DNER: variants seen among roughly 807,000 people sequenced by gnomAD.
DNER encodes the protein delta and Notch-like epidermal growth factor-related receptor.
In DNER, 33 loss-of-function variants were observed where a neutral mutation model predicts 78.2. The observed-to-expected ratio is 0.42, with a 90% CI of 0.32 to 0.56. DNER has a LOEUF of 0.56. Ranked by LOEUF, DNER falls within the 20% of genes least tolerant of loss-of-function variation. DNER has a pLI of 0.11. For synonymous variants in DNER, 417 were observed against 384.8 expected (o/e 1.08, Z -0.98); for missense variants, 918 against 975.3 (o/e 0.94, Z 0.78).
At chr2:229,568,575 A>G (rs1697155864) in intron 4 of DNER, among the ~76,000 whole-genome samples, 1 of 152,186 alleles carries the variant, frequency 6.6e-6, no homozygotes, top group African/African-American at 2.4e-5. Flanking sequence ...GTAGTCATGG[A>G]TATTAACTAT....
chr2:229,602,774 A>G (rs1697854677), intron 1 of DNER, among the ~76,000 whole-genome samples: 1 of 152,214 alleles, frequency 6.6e-6, no homozygotes, highest in South Asian at 2.1e-4. Context: ...AATGAAGATA[A>G]TTGTAAAGGG....
chr2:229,516,874 G>A (rs1422296946), intron 5 of DNER, among the ~76,000 whole-genome samples: 6 of 151,180 alleles, frequency 4.0e-5, no homozygotes, highest in East Asian at 1.9e-4. Flanking sequence ...TTGGGAGGCC[G>A]AGGTGGGCGG....
chr2:229,599,266 C>T (rs10176645), intron 1 of DNER, among the ~76,000 whole-genome samples: 55,321 of 151,976 alleles, frequency 0.36, 10,248 homozygotes, highest in East Asian at 0.5. Context: ...TGGACCATTA[C>T]GTTAGTAATT....
rs1186379845 is a variant in DNER at position 229,629,811 on chromosome 2, C to A, written c.277-37923G>T. Among the ~76,000 whole-genome samples, 7 of 152,278 alleles carry A rather than the reference C, an allele frequency of 4.6e-5. No homozygotes were observed. The East Asian group carries it at 1.3e-3, about 29-fold the overall frequency. On this transcript the variant is annotated intron_variant, in intron 1 of 12. Coordinates refer to ENST00000341772, the MANE Select transcript of DNER (RefSeq NM_139072.4). ...CCTCTGTGACCGCATCTGTAGGTGA[C>A]TTTATCTTTGATAGATGGATCTTTA...
chr2:229,581,999 C>T (rs547931642), intron 4 of DNER, among the ~76,000 whole-genome samples: 74 of 152,136 alleles, frequency 4.9e-4, no homozygotes, highest in Non-Finnish European at 9.1e-4. Context: ...AGTGCCTCAG[C>T]TTCTCTCTAA....
At chr2:229,467,005 C>T (rs1862105) in intron 7 of DNER, among the ~76,000 whole-genome samples, 35,142 of 151,996 alleles carry the variant, frequency 0.23, 4,860 homozygotes, top group East Asian at 0.35. Context: ...AAAAAAATCA[C>T]GAAAATGATT....
chr2:229,622,754 C>A (rs1031207736), intron 1 of DNER, among the ~76,000 whole-genome samples: 1 of 152,254 alleles, frequency 6.6e-6, no homozygotes, highest in South Asian at 2.1e-4. Context: ...GACAGAGACA[C>A]AGAAGCTGGA....
intron 5 of DNER, among the ~76,000 whole-genome samples, chr2:229,542,700 T>C (rs979709226): frequency 6.6e-6 from 1 of 150,478 alleles, no homozygotes; most frequent in Non-Finnish European, 1.5e-5. Context: ...CAGTCTTTCA[T>C]TGCTAGAAAG....
At chr2:229,453,977 G>A (rs1411347480) in intron 7 of DNER, among the ~76,000 whole-genome samples, 1 of 146,494 alleles carries the variant, frequency 6.8e-6, no homozygotes, top group African/African-American at 2.5e-5. Context: ...AGGTGTCACT[G>A]AAAACAATGG....
At chr2:229,558,747 G>A (rs770730109) in intron 4 of DNER, among the ~76,000 whole-genome samples, 8 of 152,114 alleles carry the variant, frequency 5.3e-5, no homozygotes, top group Non-Finnish European at 7.4e-5. Flanking sequence ...GATGTTTGCC[G>A]AGGTCAAGGT....
At chr2:229,638,884 G>T (rs114483274) in intron 1 of DNER, among the ~76,000 whole-genome samples, 2 of 152,126 alleles carry the variant, frequency 1.3e-5, no homozygotes, top group South Asian at 2.1e-4. Context: ...AAGAAATTAG[G>T]TTCCTAATCC....
chr2:229,433,244 G>T (rs939274134), intron 8 of DNER, among the ~76,000 whole-genome samples: 2 of 152,120 alleles, frequency 1.3e-5, no homozygotes, highest in African/African-American at 2.4e-5. Flanking sequence ...AGCCGGTTTT[G>T]TATTTTAACA....
intron 6 of DNER, among the ~76,000 whole-genome samples, chr2:229,495,930 G>T (rs574720022): frequency 3.9e-5 from 6 of 152,282 alleles, no homozygotes; most frequent in African/African-American, 9.6e-5. Context: ...GGAGGTTGAG[G>T]TGGGTGGTCA....
chr2:229,391,450 T>C (rs1033464712), intron 10 of DNER, among the ~76,000 whole-genome samples: 2 of 152,178 alleles, frequency 1.3e-5, no homozygotes, highest in African/African-American at 4.8e-5. Flanking sequence ...TGTTCTTGAA[T>C]AACATCTATT....
At chr2:229,611,930 G>A (rs1195522159) in intron 1 of DNER, among the ~76,000 whole-genome samples, 1 of 152,188 alleles carries the variant, frequency 6.6e-6, no homozygotes, top group Non-Finnish European at 1.5e-5. Flanking sequence ...TCGATATGCA[G>A]GTAAGGAGTG....
chr2:229,478,665 A>C (rs1158715034), intron 6 of DNER, among the ~76,000 whole-genome samples: 1 of 152,226 alleles, frequency 6.6e-6, no homozygotes, highest in Non-Finnish European at 1.5e-5. Flanking sequence ...TAAAAATAAT[A>C]GCCAAAACTT....
chr2:229,480,405 T>C (rs938510717), intron 6 of DNER, among the ~76,000 whole-genome samples: 1 of 152,242 alleles, frequency 6.6e-6, no homozygotes, highest in African/African-American at 2.4e-5. Flanking sequence ...TTTCATTCCA[T>C]TTACAAATTT....
intron 1 of DNER, among the ~76,000 whole-genome samples, chr2:229,709,111 C>T (rs184389167): frequency 3.7e-4 from 56 of 152,278 alleles, no homozygotes; most frequent in Non-Finnish European, 1.0e-4. Context: ...CAATCAAACA[C>T]ACTGAATAAA....
chr2:229,561,435 A>G (rs1696958164), intron 4 of DNER, among the ~76,000 whole-genome samples: 1 of 152,150 alleles, frequency 6.6e-6, no homozygotes, highest in African/African-American at 2.4e-5. Flanking sequence ...AAATATAGCA[A>G]TCCTTAACAA....
Sources: gnomAD v4.1 joint callset for allele counts (sites outside exome capture counted in the v4.1 genomes callset) on GRCh38, gnomAD v4.1.1 for gene constraint, MANE v1.5 for transcripts, NCBI Gene and HGNC (gene_info 2026-07-23, HGNC 2026-07-21) for gene names.